MAF: variants seen among roughly 807,000 people sequenced by gnomAD.
MAF encodes transcription factor Maf.
MAF carries 10 observed loss-of-function variants against 22.0 expected under a neutral mutation model. The ratio of observed to expected loss-of-function variants is 0.45; its 90% CI spans 0.28 to 0.77. MAF has a LOEUF of 0.77. Ranked by LOEUF, MAF falls within the 30% of genes least tolerant of loss-of-function variation. The pLI, the probability that MAF is intolerant of heterozygous loss-of-function variation, is 0.12. For missense variants in MAF, 544 were observed against 548.4 expected (o/e 0.99, Z 0.08); for synonymous variants, 337 against 255.8 (o/e 1.32, Z -3.03).
the MAF span, among the ~76,000 whole-genome samples, chr16:79,451,635 G>C: frequency 6.6e-6 from 1 of 152,072 alleles, no homozygotes; most frequent in Non-Finnish European, 1.5e-5. Flanking sequence ...TTCTGAGTCA[G>C]CAAAAAGTTT....
chr16:79,255,982 C>CTTTTTTTT, the MAF span, among the ~76,000 whole-genome samples: 1 of 99,702 alleles, frequency 1.0e-5, no homozygotes, highest in African/African-American at 4.6e-5. Context: ...CTTTTCTTTT[C>CTTTTTTTT]TTTTTTTTTT....
chr16:79,418,355 G>T, the MAF span, among the ~76,000 whole-genome samples: 1 of 152,160 alleles, frequency 6.6e-6, no homozygotes, highest in Admixed American at 6.5e-5. Flanking sequence ...AAGAGCCCCT[G>T]TTCAGCCACA....
At chr16:79,502,335 G>A in the MAF span, among the ~76,000 whole-genome samples, 2 of 152,034 alleles carry the variant, frequency 1.3e-5, no homozygotes, top group African/African-American at 2.4e-5. Flanking sequence ...CTGTTTTACC[G>A]AACTCTTAAC....
the MAF span, among the ~76,000 whole-genome samples, chr16:79,402,826 G>C: frequency 3.3e-5 from 5 of 152,198 alleles, no homozygotes; most frequent in East Asian, 1.9e-4. Context: ...GCCCATGCCT[G>C]GGTGTCCATG....
chr16:79,565,999 C>G, the MAF span, among the ~76,000 whole-genome samples: 1 of 152,140 alleles, frequency 6.6e-6, no homozygotes, highest in Non-Finnish European at 1.5e-5. Flanking sequence ...CACAATTCAC[C>G]CTGCACTGAT....
At chr16:79,388,456 T>C in the MAF span, among the ~76,000 whole-genome samples, 1 of 152,236 alleles carries the variant, frequency 6.6e-6, no homozygotes, top group Non-Finnish European at 1.5e-5. Context: ...GTCCATAGGA[T>C]ACTTTTCTTC....
chr16:79,539,859 C>T, the MAF span, among the ~76,000 whole-genome samples: 1 of 152,094 alleles, frequency 6.6e-6, no homozygotes, highest in Non-Finnish European at 1.5e-5. Context: ...AAATCCATTG[C>T]AAAAAGATTC....
chr16:79,207,414 A>C, the MAF span, among the ~76,000 whole-genome samples: 2,726 of 152,348 alleles, frequency 0.018, 84 homozygotes, highest in African/African-American at 0.062. Flanking sequence ...GCCGTCTTCA[A>C]AAGGGCTGTT....
At chr16:79,532,086 T>C in the MAF span, among the ~76,000 whole-genome samples, 5 of 152,058 alleles carry the variant, frequency 3.3e-5, 1 homozygote, top group South Asian at 2.1e-4. Context: ...TTGCACGGGA[T>C]TGACTTATAC....
At chr16:79,482,526 C>T in the MAF span, among the ~76,000 whole-genome samples, 14 of 152,290 alleles carry the variant, frequency 9.2e-5, no homozygotes, top group East Asian at 2.3e-3. Flanking sequence ...AGAAGGAGCA[C>T]AATCTGATGA....
the MAF span, among the ~76,000 whole-genome samples, chr16:79,277,626 A>C: frequency 6.6e-6 from 1 of 152,186 alleles, no homozygotes; most frequent in African/African-American, 2.4e-5. Flanking sequence ...TTTGTCAGGG[A>C]GATGAAGTAG....
chr16:79,564,603 T>G, the MAF span, among the ~76,000 whole-genome samples: 7 of 152,272 alleles, frequency 4.6e-5, no homozygotes, highest in East Asian at 7.7e-4. Flanking sequence ...ATGTGACAAC[T>G]CTCGGGGCAT....
the MAF span, among the ~76,000 whole-genome samples, chr16:79,223,892 C>G: frequency 3.3e-5 from 5 of 152,038 alleles, no homozygotes; most frequent in South Asian, 2.1e-4. Flanking sequence ...AAAATAAGTC[C>G]AGGACCAGAG....
At chr16:79,533,167 G>A in the MAF span, among the ~76,000 whole-genome samples, 1 of 152,128 alleles carries the variant, frequency 6.6e-6, no homozygotes, top group Non-Finnish European at 1.5e-5. Context: ...CATTAGCCAA[G>A]AAATTATTTA....
At chr16:79,325,810 G>A in the MAF span, among the ~76,000 whole-genome samples, 1 of 152,202 alleles carries the variant, frequency 6.6e-6, no homozygotes, top group East Asian at 1.9e-4. Flanking sequence ...ACCAGAAAGA[G>A]CAGAACAAAC....
At chr16:79,583,477 G>A (rs1345235671), downstream of MAF, among the ~76,000 whole-genome samples, 2 of 152,168 alleles carry the variant, frequency 1.3e-5, no homozygotes, top group South Asian at 2.1e-4. Flanking sequence ...CCCTAGGTAA[G>A]TAAGTGTCCC....
At chr16:79,590,254 A>G (rs550008387), downstream of MAF, among the ~76,000 whole-genome samples, 5 of 152,142 alleles carry the variant, frequency 3.3e-5, no homozygotes, top group African/African-American at 9.6e-5. Context: ...TTCTTAGAAA[A>G]TGGGAGAGGG....
chr16:79,470,217 G>C, the MAF span, among the ~76,000 whole-genome samples: 2 of 152,218 alleles, frequency 1.3e-5, no homozygotes, highest in Admixed American at 6.5e-5. Flanking sequence ...CTGAGGAAGT[G>C]GGAACTTCCT....
the MAF span, among the ~76,000 whole-genome samples, chr16:79,500,097 C>T: frequency 6.6e-6 from 1 of 152,202 alleles, no homozygotes; most frequent in South Asian, 2.1e-4. Context: ...CTGGAGCCTC[C>T]AGAAGAACCA....
Sources: allele counts gnomAD v4.1 joint callset (sites outside exome capture counted in the v4.1 genomes callset), GRCh38; gene constraint gnomAD v4.1.1; transcripts MANE v1.5; gene names NCBI Gene and HGNC (gene_info 2026-07-23, HGNC 2026-07-21).